Variants in WDR27 observed in about 807,000 individuals in gnomAD.
WDR27 encodes the protein WD repeat-containing protein 27.
A neutral mutation model predicts 114.4 loss-of-function variants in WDR27; 100 were observed. The ratio of observed to expected loss-of-function variants is 0.87; its 90% CI spans 0.74 to 1.03. The LOEUF (loss-of-function observed/expected upper bound fraction) is 1.03, where lower values mean the gene tolerates loss of function less well. Ranked by LOEUF, WDR27 falls within the 50% of genes least tolerant of loss-of-function variation. The probability of loss-of-function intolerance (pLI) is 0.00; values close to 1 mark genes in which losing one functional copy is unlikely to be tolerated. For synonymous variants in WDR27, 449 were observed against 423.1 expected (o/e 1.06, Z -0.75); for missense variants, 1,129 against 1,092.9 (o/e 1.03, Z -0.47).
At chr6:169,482,601 C>T (rs186573881) in intron 25 of WDR27, among the ~76,000 whole-genome samples, 81 of 152,180 alleles carry the variant, frequency 5.3e-4, no homozygotes, top group African/African-American at 1.9e-3. Flanking sequence ...TTCAACACCC[C>T]CACTGACAGT....
At position 169,480,007 on chromosome 6, in the gene WDR27, G is replaced by A. The variant is rs539060337; in HGVS notation, c.2646-22373C>T. Among the ~76,000 whole-genome samples, 123 of 152,318 alleles carry A rather than the reference G, an allele frequency of 8.1e-4. 2 individuals are homozygous for A. Among genetic ancestry groups the A allele is most frequent in the Middle Eastern group, 3.4e-3 (1 of 294 alleles). On this transcript the variant is annotated intron_variant, in intron 25 of 25. Coordinates refer to ENST00000448612, the MANE Select transcript of WDR27 (RefSeq NM_182552.5). ...CTCTGGGCTGGCCAAGGCCAGAGCC[G>A]GCTCCCTCTGCTTGCGGGGAGGTGT...
At chr6:169,605,207 T>C (rs1265170279) in intron 22 of WDR27, among the ~76,000 whole-genome samples, 1 of 150,604 alleles carries the variant, frequency 6.6e-6, no homozygotes, top group Non-Finnish European at 1.5e-5. Context: ...ATCTTACATC[T>C]AGAAAAACCT....
chr6:169,557,078 C>T (rs771741087), intron 25 of WDR27, among the ~76,000 whole-genome samples: 14 of 152,134 alleles, frequency 9.2e-5, no homozygotes, highest in Non-Finnish European at 2.1e-4. Flanking sequence ...CATGTGTTCA[C>T]ACAAACAGCT....
chr6:169,498,384 G>A (rs1218249862), intron 25 of WDR27, among the ~76,000 whole-genome samples: 1 of 152,114 alleles, frequency 6.6e-6, no homozygotes, highest in East Asian at 1.9e-4. Context: ...ACACTAACAT[G>A]ATGAATGCAC....
intron 21 of WDR27, among the ~76,000 whole-genome samples, chr6:169,631,820 TCTGATTTGAA>T (rs1181516113): frequency 6.6e-6 from 1 of 152,160 alleles, no homozygotes; most frequent in Non-Finnish European, 1.5e-5. Context: ...CTTTGCTCTT[TCTGATTTGAA>T]CTGATTAAAA....
At chr6:169,462,475 G>C (rs1312694041) in intron 25 of WDR27, among the ~76,000 whole-genome samples, 1 of 143,428 alleles carries the variant, frequency 7.0e-6, no homozygotes, top group Admixed American at 6.7e-5. Flanking sequence ...AGGGAGGAGA[G>C]GGGGGAGAGA....
intron 25 of WDR27, among the ~76,000 whole-genome samples, chr6:169,551,737 CAAAAAAA>C (rs1296878043): frequency 1.6e-5 from 1 of 60,694 alleles, no homozygotes; most frequent in Non-Finnish European, 4.0e-5. Flanking sequence ...GACTCCATCT[CAAAAAAA>C]AAAAAAAAAA....
At chr6:169,637,014 T>C (rs547093705) in intron 18 of WDR27, among the ~76,000 whole-genome samples, 1 of 152,322 alleles carries the variant, frequency 6.6e-6, no homozygotes, top group African/African-American at 2.4e-5. Context: ...CCCCTTTCTA[T>C]AAAAGACGCA....
At chr6:169,469,850 A>T (rs1040560293) in intron 25 of WDR27, among the ~76,000 whole-genome samples, 2 of 152,240 alleles carry the variant, frequency 1.3e-5, no homozygotes, top group African/African-American at 4.8e-5. Context: ...ATAGCTGATT[A>T]AGTCCATGAG....
At chr6:169,571,226 A>G (rs143403400) in intron 25 of WDR27, among the ~76,000 whole-genome samples, 1 of 151,610 alleles carries the variant, frequency 6.6e-6, no homozygotes, top group African/African-American at 2.4e-5. Flanking sequence ...ACAGATTTAA[A>G]TTTCACACCC....
At chr6:169,604,403 G>A (rs1308600429) in intron 22 of WDR27, among the ~76,000 whole-genome samples, 1 of 152,022 alleles carries the variant, frequency 6.6e-6, no homozygotes, top group Admixed American at 6.6e-5. Flanking sequence ...CTTGAAGCAG[G>A]AAGAAATAGA....
chr6:169,581,983 A>T (rs553583988), intron 24 of WDR27, among the ~76,000 whole-genome samples: 2 of 151,906 alleles, frequency 1.3e-5, no homozygotes, highest in Non-Finnish European at 2.9e-5. Flanking sequence ...TTTATTTTTT[A>T]TTTTTTTTGA....
chr6:169,521,782 A>G (rs1034784683), intron 25 of WDR27, among the ~76,000 whole-genome samples: 1 of 152,100 alleles, frequency 6.6e-6, no homozygotes, highest in African/African-American at 2.4e-5. Flanking sequence ...AGTAACCACA[A>G]TGCAAAAACC....
the WDR27 span, among the ~76,000 whole-genome samples, chr6:169,448,354 TTC>T: frequency 1.3e-4 from 20 of 149,656 alleles, no homozygotes; most frequent in East Asian, 3.9e-4. Flanking sequence ...GTTGTTGATT[TTC>T]TCTCTCTCTC....
chr6:169,589,079 A>G (rs1454074382), intron 23 of WDR27, among the ~76,000 whole-genome samples: 1 of 152,180 alleles, frequency 6.6e-6, no homozygotes, highest in Non-Finnish European at 1.5e-5. Flanking sequence ...TTCCAAAACC[A>G]TCTTTGCTTA....
intron 25 of WDR27, among the ~76,000 whole-genome samples, chr6:169,552,976 GT>G (rs1562571462): frequency 5.9e-5 from 3 of 50,502 alleles, no homozygotes; most frequent in Non-Finnish European, 1.1e-4. Context: ...CCTGCCCGGT[GT>G]GTGTGTGTGT....
intron 25 of WDR27, among the ~76,000 whole-genome samples, chr6:169,493,661 A>G (rs1303673303): frequency 6.6e-6 from 1 of 152,210 alleles, no homozygotes; most frequent in Non-Finnish European, 1.5e-5. Flanking sequence ...AAAATATCTT[A>G]AAGGTATTAC....
chr6:169,445,161 T>A, the WDR27 span, among the ~76,000 whole-genome samples: 1 of 152,202 alleles, frequency 6.6e-6, no homozygotes, highest in African/African-American at 2.4e-5. Context: ...AAAAGCGTGA[T>A]GCTATCATAA....
At chr6:169,429,213 T>C in the WDR27 span, among the ~76,000 whole-genome samples, 3 of 152,154 alleles carry the variant, frequency 2.0e-5, no homozygotes, top group Admixed American at 6.5e-5. Flanking sequence ...TCCACAGGCC[T>C]GAGGACCCAG....
Sources: gnomAD v4.1 joint callset for allele counts (sites outside exome capture counted in the v4.1 genomes callset) on GRCh38, gnomAD v4.1.1 for gene constraint, MANE v1.5 for transcripts, NCBI Gene and HGNC (gene_info 2026-07-23, HGNC 2026-07-21) for gene names.